Variants in SPECC1 observed in about 807,000 individuals in gnomAD.
SPECC1 encodes cytospin-B.
SPECC1 carries 62 observed loss-of-function variants against 104.1 expected under a neutral mutation model. The ratio of observed to expected loss-of-function variants is 0.60; its 90% CI spans 0.49 to 0.74. The LOEUF (loss-of-function observed/expected upper bound fraction) is 0.74, where lower values mean the gene tolerates loss of function less well. Among genes scored for constraint, SPECC1 ranks in the 30% least tolerant of loss-of-function variants. The pLI is 0.00. For missense variants in SPECC1, 1,306 were observed against 1,310.5 expected (o/e 1.00, Z 0.05); for synonymous variants, 513 against 501.6 (o/e 1.02, Z -0.30).
chr17:20,093,324 C>T (rs1451578819), intron 1 of SPECC1, among the ~76,000 whole-genome samples: 2 of 152,200 alleles, frequency 1.3e-5, no homozygotes, highest in Non-Finnish European at 2.9e-5. Context: ...AGGGCTCTGC[C>T]TCCCAGATGC....
intron 7 of SPECC1, among the ~76,000 whole-genome samples, chr17:20,240,262 C>T (rs1170051960): frequency 2.0e-5 from 3 of 151,362 alleles, no homozygotes; most frequent in African/African-American, 7.3e-5. Context: ...TGCATTTTCT[C>T]TTCTAAGAAT....
At chr17:20,064,491 A>G (rs777818115) in intron 1 of SPECC1, among the ~76,000 whole-genome samples, 1 of 152,190 alleles carries the variant, frequency 6.6e-6, no homozygotes, top group African/African-American at 2.4e-5. Flanking sequence ...CTGGGAGGGA[A>G]GCACAGTGTG....
At chr17:20,294,567 G>A (rs1478609957) in intron 12 of SPECC1, among the ~76,000 whole-genome samples, 2 of 152,092 alleles carry the variant, frequency 1.3e-5, no homozygotes, top group East Asian at 3.9e-4. Context: ...TACAGAGATG[G>A]TGATGGTGGT....
chr17:20,125,527 C>G (rs1171497704), intron 3 of SPECC1, among the ~76,000 whole-genome samples: 2 of 152,222 alleles, frequency 1.3e-5, no homozygotes, highest in Non-Finnish European at 2.9e-5. Context: ...CTGAACGACT[C>G]CCTGTCGCAC....
At chr17:20,140,168 A>G (rs2030593552) in intron 3 of SPECC1, among the ~76,000 whole-genome samples, 3 of 152,216 alleles carry the variant, frequency 2.0e-5, no homozygotes. Flanking sequence ...AAATTAAACT[A>G]TACTTTTAAA....
At chr17:20,136,792 C>G (rs1418861009) in intron 3 of SPECC1, among the ~76,000 whole-genome samples, 1 of 152,094 alleles carries the variant, frequency 6.6e-6, no homozygotes. Flanking sequence ...CGTTCTGGTC[C>G]CCATCTCTCT....
At chr17:20,086,787 C>T (rs1183362333) in intron 1 of SPECC1, among the ~76,000 whole-genome samples, 1 of 152,150 alleles carries the variant, frequency 6.6e-6, no homozygotes, top group Non-Finnish European at 1.5e-5. Context: ...GAGGGTTTGT[C>T]CCCTTCCTCC....
At position 20,297,058 on chromosome 17, in the gene SPECC1, A is replaced by T. The variant is rs191356218; in HGVS notation, c.3038A>T (p.Glu1013Val). Residue 1013 changes from glutamate to valine, a missense_variant, in exon 13 of 15, where the codon GAG (glutamate) becomes GTG (valine). This residue lies in a region of SPECC1 where 129 missense variants were observed against 170.6 expected (regional missense o/e 0.76). Transcript: ENST00000395527. The part of the protein sequence containing the change: ...TYLPAHIPYQ[E>V]LNSQEKKRNL... ...CTGCCTGCCCACATCCCCTACCAGG[A>T]GCTGAATAGTCAGGAGAAAGTAAGT... The T allele has an allele frequency of 1.9e-6, 3 of 1,614,094 alleles. No homozygotes were observed. The highest frequency in any genetic ancestry group is 1.7e-5 in the Admixed American group (1 of 60,012).
intron 3 of SPECC1, among the ~76,000 whole-genome samples, chr17:20,167,477 G>A (rs1470780533): frequency 1.3e-5 from 2 of 152,012 alleles, no homozygotes; most frequent in South Asian, 2.1e-4. Context: ...TCAGGAGTTC[G>A]AGACCAGCCT....
At chr17:20,255,880 ATTC>A (rs2039808918) in intron 10 of SPECC1, among the ~76,000 whole-genome samples, 1 of 145,388 alleles carries the variant, frequency 6.9e-6, no homozygotes, top group African/African-American at 2.5e-5. Flanking sequence ...CCAAGAAACC[ATTC>A]TTTTTTTTTT....
At chr17:20,034,311 C>G (rs2044964489) in intron 1 of SPECC1, among the ~76,000 whole-genome samples, 1 of 151,976 alleles carries the variant, frequency 6.6e-6, no homozygotes. Flanking sequence ...GTTGGCCAGG[C>G]TGGTCTCGAA....
chr17:20,114,014 A>G (rs1431983583), intron 3 of SPECC1, among the ~76,000 whole-genome samples: 4 of 152,234 alleles, frequency 2.6e-5, no homozygotes, highest in East Asian at 1.9e-4. Context: ...AAGGCAATGT[A>G]ATATAATTGC....
intron 4 of SPECC1, among the ~76,000 whole-genome samples, chr17:20,216,701 T>G (rs1220586674): frequency 6.6e-6 from 1 of 152,170 alleles, no homozygotes; most frequent in Non-Finnish European, 1.5e-5. Context: ...GGAAGTTTGT[T>G]TGACTCTATT....
At chr17:20,115,062 A>G (rs1188896205) in intron 3 of SPECC1, among the ~76,000 whole-genome samples, 1 of 152,256 alleles carries the variant, frequency 6.6e-6, no homozygotes. Context: ...TCCGAAAGAT[A>G]TAACATGGTG....
intron 2 of SPECC1, among the ~76,000 whole-genome samples, chr17:20,104,090 G>C (rs2152514574): frequency 6.6e-6 from 1 of 152,288 alleles, no homozygotes; most frequent in Admixed American, 6.5e-5. Flanking sequence ...ACAAAAATCA[G>C]CATGTTTGAA....
At chr17:20,099,708 A>C (rs1219340841) in intron 2 of SPECC1, among the ~76,000 whole-genome samples, 2 of 148,760 alleles carry the variant, frequency 1.3e-5, no homozygotes, top group East Asian at 1.9e-4. Flanking sequence ...AAAAAAAAAA[A>C]AAAAAAAAAA....
At chr17:20,087,796 G>T (rs753658423) in intron 1 of SPECC1, among the ~76,000 whole-genome samples, 1 of 152,162 alleles carries the variant, frequency 6.6e-6, no homozygotes, top group African/African-American at 2.4e-5. Flanking sequence ...GCAGATAATC[G>T]ATGGCAGTGA....
chr17:20,291,671 A>G (rs1307644067), intron 12 of SPECC1, among the ~76,000 whole-genome samples: 1 of 152,020 alleles, frequency 6.6e-6, no homozygotes. Flanking sequence ...CAGCCTCCCA[A>G]GTAGCTGGAA....
chr17:20,204,921 A>G lies in SPECC1; in HGVS notation c.872A>G (p.Asn291Ser), dbSNP rs771793312. The G allele has an allele frequency of 6.8e-6, 11 of 1,614,136 alleles. No homozygotes were observed. In the East Asian group the frequency reaches 1.8e-4, roughly 26 times the overall value. The stretch of plus-strand genomic sequence containing the variant: ...TCAAGCTTCGGAAGCCCAACTGGAA[A>G]TCAGATGTCCAGTGACATTGATGAG... ...QESSFGSPTG[N>S]QMSSDIDEYK... Residue 291 changes from asparagine to serine, a missense_variant, in exon 4 of 15, where the codon AAT becomes AGT. Transcript: ENST00000395527.
Sources: allele counts gnomAD v4.1 joint callset (sites outside exome capture counted in the v4.1 genomes callset), GRCh38; gene constraint gnomAD v4.1.1; regional missense constraint gnomAD v4.1.1; transcripts MANE v1.5; gene names NCBI Gene and HGNC (gene_info 2026-07-23, HGNC 2026-07-21).